PLXNA4: variants seen among roughly 807,000 people sequenced by gnomAD.
The protein encoded by PLXNA4 is plexin-A4.
A neutral mutation model predicts 191.8 loss-of-function variants in PLXNA4; 44 were observed. That is an observed-to-expected ratio of 0.23 (90% CI 0.18 to 0.29). PLXNA4 has a LOEUF of 0.29. PLXNA4 is among the 10% of genes least tolerant of loss of function. The pLI is 1.00. For missense variants in PLXNA4, 1,800 were observed against 2,488.8 expected, an observed-to-expected ratio of 0.72 and a Z score of 5.89; for synonymous variants, 1,082 against 1,009.5, an observed-to-expected ratio of 1.07 and a Z score of -1.36.
At chr7:132,258,440 T>C (rs1479756268) in intron 4 of PLXNA4, among the ~76,000 whole-genome samples, 1 of 152,228 alleles carries the variant, frequency 6.6e-6, no homozygotes, top group East Asian at 1.9e-4. Flanking sequence ...GTCAGGCCGT[T>C]GCTGGCAGTG....
At chr7:132,621,270 T>TC (rs1288958654) in intron 2 of PLXNA4, among the ~76,000 whole-genome samples, 2 of 149,938 alleles carry the variant, frequency 1.3e-5, no homozygotes, top group African/African-American at 4.9e-5. Context: ...GTTTTTTTGT[T>TC]TTTTTTTTTA....
chr7:132,133,043 G>T lies in PLXNA4; in HGVS notation c.5589+6C>A, dbSNP rs1474194621. The T allele has an allele frequency of 1.2e-6, 2 of 1,613,086 alleles. No individual in the cohort carries two copies. Among genetic ancestry groups the T allele is most frequent in the Admixed American group, 1.7e-5 (1 of 59,968 alleles). ...CCCAATGGGCCTGGAGCAGGGCAAA[G>T]CTTACCTCCTCGCTGTATTTGCCCA... On this transcript the variant is annotated splice_donor_region_variant and intron_variant, in intron 31 of 31. Transcript: ENST00000321063.
At chr7:132,440,721 T>G (rs1795667045) in intron 3 of PLXNA4, among the ~76,000 whole-genome samples, 3 of 152,272 alleles carry the variant, frequency 2.0e-5, no homozygotes, top group African/African-American at 7.2e-5. Flanking sequence ...CACTTATTTG[T>G]GAAAAGAGTC....
intron 9 of PLXNA4, among the ~76,000 whole-genome samples, chr7:132,215,929 C>T (rs1451932984): frequency 6.6e-6 from 1 of 152,198 alleles, no homozygotes; most frequent in African/African-American, 2.4e-5. Flanking sequence ...GTAAATGTTT[C>T]CCCGAGTTTT....
chr7:132,419,009 G>A (rs991621580), intron 3 of PLXNA4, among the ~76,000 whole-genome samples: 13 of 152,192 alleles, frequency 8.5e-5, no homozygotes, highest in African/African-American at 2.9e-4. Context: ...TTGTCACCAC[G>A]TACAGGCACC....
At position 132,556,022 on chromosome 7, in the gene PLXNA4, G is replaced by A. The variant is rs965174252; in HGVS notation, c.-87+20400C>T. ...CCTCTGTGGCTCCATTCTTGGCCTAGGGGTCCTACTAGGGTCTATTTCATC... is the reference window on the plus strand; with the variant it reads ...CCTCTGTGGCTCCATTCTTGGCCTAAGGGTCCTACTAGGGTCTATTTCATC... On this transcript the variant is annotated intron_variant, in intron 1 of 31. Transcript: ENST00000321063. 4.6e-5 allele frequency among the ~76,000 whole-genome samples: 7 copies of A among 152,344 alleles called. No homozygotes were observed. The East Asian group carries it at 9.7e-4, about 21-fold the overall frequency.
At chr7:132,324,382 C>T (rs1310603865) in intron 3 of PLXNA4, among the ~76,000 whole-genome samples, 1 of 152,094 alleles carries the variant, frequency 6.6e-6, no homozygotes, top group Admixed American at 6.6e-5. Flanking sequence ...AGTTCATTTT[C>T]CCCCCAATGA....
intron 4 of PLXNA4, among the ~76,000 whole-genome samples, chr7:132,256,622 T>C (rs963970858): frequency 1.3e-5 from 2 of 152,168 alleles, no homozygotes; most frequent in Non-Finnish European, 2.9e-5. Flanking sequence ...CAACAGTAGA[T>C]TCTGTTTTGC....
rs890106393 is a variant in PLXNA4 at position 132,145,412 on chromosome 7, T to TTGG, written c.5056-127_5056-125dup. The stretch of plus-strand genomic sequence containing the variant: ...TACAGCCCACCCTACTTGGGTAAAA[T>TTGG]TGGGTAAGTCCATGCATTAAATCAT... On this transcript the variant is annotated intron_variant, in intron 28 of 31. Transcript: ENST00000321063. The TTGG allele has an allele frequency of 1.5e-5, 21 of 1,367,322 alleles. No homozygotes were observed. The Admixed American group carries it at 3.4e-4, about 22-fold the overall frequency. 84.7% of individuals were successfully genotyped at this position (1,367,322 alleles called of 1,614,324 possible).
At chr7:132,381,158 T>C (rs1281441590) in intron 3 of PLXNA4, among the ~76,000 whole-genome samples, 1 of 152,172 alleles carries the variant, frequency 6.6e-6, no homozygotes, top group Non-Finnish European at 1.5e-5. Flanking sequence ...CACTTGCAAA[T>C]TGAGGACTGG....
intron 3 of PLXNA4, among the ~76,000 whole-genome samples, chr7:132,454,223 C>T (rs1796231356): frequency 6.6e-6 from 1 of 152,204 alleles, no homozygotes; most frequent in East Asian, 1.9e-4. Flanking sequence ...ACAACAGCCC[C>T]ATCGTATAGA....
At chr7:132,577,480 T>G (rs1802304041), upstream of PLXNA4, among the ~76,000 whole-genome samples, 1 of 149,864 alleles carries the variant, frequency 6.7e-6, no homozygotes, top group African/African-American at 2.4e-5. Context: ...TCGCTCTCGC[T>G]GGCTCGGAGC....
intron 1 of PLXNA4, among the ~76,000 whole-genome samples, chr7:132,510,337 G>T (rs1798661461): frequency 6.6e-6 from 1 of 152,236 alleles, no homozygotes; most frequent in South Asian, 2.1e-4. Context: ...ACTTTGCATT[G>T]TCAGCCAGCA....
chr7:132,282,943 C>T (rs1800540770), intron 4 of PLXNA4, among the ~76,000 whole-genome samples: 1 of 152,052 alleles, frequency 6.6e-6, no homozygotes, highest in South Asian at 2.1e-4. Flanking sequence ...GTGGCACCAT[C>T]ACAGCTCACT....
At chr7:132,289,508 A>C (rs897195439) in intron 4 of PLXNA4, among the ~76,000 whole-genome samples, 2 of 152,154 alleles carry the variant, frequency 1.3e-5, no homozygotes, top group African/African-American at 4.8e-5. Flanking sequence ...AGCTTAGGGA[A>C]TGCATCTTTT....
intron 3 of PLXNA4, among the ~76,000 whole-genome samples, chr7:132,299,172 T>C (rs1457873749): frequency 6.6e-6 from 1 of 152,168 alleles, no homozygotes; most frequent in Admixed American, 6.5e-5. Flanking sequence ...TTACTGAGAG[T>C]GTGGCTAGGC....
At chr7:132,603,760 A>T (rs953183940) in intron 2 of PLXNA4, among the ~76,000 whole-genome samples, 1 of 152,282 alleles carries the variant, frequency 6.6e-6, no homozygotes, top group East Asian at 1.9e-4. Flanking sequence ...AGCTGTGAGG[A>T]CCGGTGTATA....
intron 3 of PLXNA4, among the ~76,000 whole-genome samples, chr7:132,441,539 A>ACATT (rs1795699427): frequency 1.3e-5 from 2 of 152,234 alleles, no homozygotes; most frequent in African/African-American, 4.8e-5. Context: ...GAAGCACAGG[A>ACATT]CATTGCCCAC....
At chr7:132,502,441 G>C (rs1798294816) in intron 2 of PLXNA4, among the ~76,000 whole-genome samples, 1 of 152,190 alleles carries the variant, frequency 6.6e-6, no homozygotes, top group Non-Finnish European at 1.5e-5. Context: ...TCCAGAGTCA[G>C]GTGGGAGCTG....
Sources: allele counts gnomAD v4.1 joint callset (sites outside exome capture counted in the v4.1 genomes callset), GRCh38; gene constraint gnomAD v4.1.1; transcripts MANE v1.5; gene names NCBI Gene and HGNC (gene_info 2026-07-23, HGNC 2026-07-21).